AHCYL2: variants seen among roughly 807,000 people sequenced by gnomAD.
The protein encoded by AHCYL2 is adenosylhomocysteinase like 2, also known as S-adenosylhomocysteine hydrolase-like protein 2.
AHCYL2 carries 28 observed loss-of-function variants against 81.4 expected under a neutral mutation model. The ratio of observed to expected loss-of-function variants is 0.34; its 90% confidence interval spans 0.25 to 0.47. AHCYL2 has a LOEUF of 0.47. Among genes scored for constraint, AHCYL2 ranks in the 20% least tolerant of loss-of-function variants. The pLI is 1.00. For missense variants in AHCYL2, 551 were observed against 785.1 expected (o/e 0.70, Z 3.56); for synonymous variants, 272 against 290.2 (o/e 0.94, Z 0.64).
chr7:129,230,373 C>T (rs1286477658), intron 1 of AHCYL2, among the ~76,000 whole-genome samples: 3 of 151,890 alleles, frequency 2.0e-5, no homozygotes, highest in Non-Finnish European at 4.4e-5. Context: ...TGAGCCACCG[C>T]GCCCGGCTAT....
At chr7:129,399,713 C>T (rs1290173343) in intron 5 of AHCYL2, among the ~76,000 whole-genome samples, 2 of 149,642 alleles carry the variant, frequency 1.3e-5, no homozygotes, top group Admixed American at 6.7e-5. Context: ...TTTTTGTTTT[C>T]CCTTTAGTCA....
intron 1 of AHCYL2, among the ~76,000 whole-genome samples, chr7:129,299,124 G>C (rs552228746): frequency 6.6e-6 from 1 of 151,344 alleles, no homozygotes; most frequent in African/African-American, 2.4e-5. Flanking sequence ...TGACATTTTT[G>C]GGGGGAGAAT....
intron 1 of AHCYL2, among the ~76,000 whole-genome samples, chr7:129,263,475 A>G (rs1584719138): frequency 6.6e-6 from 1 of 152,346 alleles, no homozygotes. Flanking sequence ...ATCTATTTAC[A>G]TGTATCAAAT....
intron 1 of AHCYL2, among the ~76,000 whole-genome samples, chr7:129,265,844 AGAG>A (rs2150721372): frequency 6.6e-6 from 1 of 152,352 alleles, no homozygotes; most frequent in East Asian, 1.9e-4. Context: ...TGCAATAACT[AGAG>A]AAGAGACGAT....
chr7:129,363,896 C>A (rs991952150), intron 1 of AHCYL2, among the ~76,000 whole-genome samples: 5 of 151,928 alleles, frequency 3.3e-5, no homozygotes, highest in African/African-American at 9.7e-5. Context: ...TTAACACTAT[C>A]ATGAAGGTTG....
chr7:129,328,059 A>G (rs1046145232), intron 1 of AHCYL2, among the ~76,000 whole-genome samples: 2 of 152,186 alleles, frequency 1.3e-5, no homozygotes, highest in Non-Finnish European at 2.9e-5. Context: ...CTGCCTCCCA[A>G]AGGGCTGGGA....
intron 1 of AHCYL2, among the ~76,000 whole-genome samples, chr7:129,354,186 A>T (rs1353793732): frequency 6.6e-6 from 1 of 152,192 alleles, no homozygotes; most frequent in Non-Finnish European, 1.5e-5. Context: ...CAAGAAGGTG[A>T]GAGAGAATTT....
At position 129,430,013 on chromosome 7, in the gene AHCYL2, A is replaced by C. The variant is rs960497479; in HGVS notation, c.*2968A>C. 6.7e-6 allele frequency: 1 copy of C among 149,308 alleles called. No homozygotes were observed. The highest frequency in any genetic ancestry group is 1.5e-5 in the Non-Finnish European group (1 of 67,580). 9.2% of individuals were successfully genotyped at this position (149,308 alleles called of 1,614,324 possible). The stretch of plus-strand genomic sequence containing the variant: ...TATATGTGGACAGGTTCTAAACTCT[A>C]TATATACATATATATATATATATCT... On this transcript the variant is annotated 3_prime_UTR_variant, in exon 17 of 17. Transcript: ENST00000325006.
chr7:129,285,483 G>A (rs1466521490), intron 1 of AHCYL2, among the ~76,000 whole-genome samples: 2 of 152,100 alleles, frequency 1.3e-5, no homozygotes, highest in African/African-American at 4.8e-5. Context: ...TTCCCATGGT[G>A]TCAGGGAACC....
At chr7:129,364,909 C>T (rs1475863800) in intron 1 of AHCYL2, among the ~76,000 whole-genome samples, 3 of 152,120 alleles carry the variant, frequency 2.0e-5, no homozygotes, top group Non-Finnish European at 4.4e-5. Context: ...AACTAAGCCT[C>T]ATAAATATAA....
chr7:129,340,561 C>A (rs1261593369), intron 1 of AHCYL2, among the ~76,000 whole-genome samples: 15 of 148,606 alleles, frequency 1.0e-4, no homozygotes, highest in Non-Finnish European at 1.5e-4. Context: ...GAGCGAGACT[C>A]CGTCTCAAAA....
intron 15 of AHCYL2, among the ~76,000 whole-genome samples, chr7:129,425,763 C>T (rs1200790890): frequency 6.6e-6 from 1 of 152,178 alleles, no homozygotes; most frequent in East Asian, 1.9e-4. Flanking sequence ...TTTGTTTTGC[C>T]TTAGCACTAG....
At chr7:129,280,544 T>C (rs576543732) in intron 1 of AHCYL2, among the ~76,000 whole-genome samples, 1 of 152,310 alleles carries the variant, frequency 6.6e-6, no homozygotes, top group South Asian at 2.1e-4. Flanking sequence ...TGAGGCAGTT[T>C]TTTGTCAACT....
chr7:129,270,255 A>G (rs1208265877), intron 1 of AHCYL2, among the ~76,000 whole-genome samples: 1 of 152,178 alleles, frequency 6.6e-6, no homozygotes, highest in Non-Finnish European at 1.5e-5. Flanking sequence ...TGACATACGT[A>G]CCTGCTTGAT....
At chr7:129,352,937 CTT>C (rs59762582) in intron 1 of AHCYL2, among the ~76,000 whole-genome samples, 54 of 82,546 alleles carry the variant, frequency 6.5e-4, no homozygotes, top group Middle Eastern at 8.6e-3. Context: ...CCTCCTCATT[CTT>C]TTTTTTTTTT....
intron 1 of AHCYL2, among the ~76,000 whole-genome samples, chr7:129,346,816 A>G (rs1464967238): frequency 6.6e-6 from 1 of 152,210 alleles, no homozygotes; most frequent in East Asian, 1.9e-4. Context: ...TTATATCCAC[A>G]CAAAAACCTG....
At chr7:129,383,222 G>A (rs891488321) in intron 2 of AHCYL2, among the ~76,000 whole-genome samples, 3 of 151,814 alleles carry the variant, frequency 2.0e-5, no homozygotes, top group Non-Finnish European at 4.4e-5. Flanking sequence ...CTGGAGTGTA[G>A]TGGCACAATC....
chr7:129,353,367 T>C (rs1011428093), intron 1 of AHCYL2, among the ~76,000 whole-genome samples: 1 of 152,100 alleles, frequency 6.6e-6, no homozygotes, highest in Non-Finnish European at 1.5e-5. Flanking sequence ...CATCAGGGGT[T>C]TTGCAATTAC....
At chr7:129,370,400 A>ATTGGTT (rs139029414) in intron 1 of AHCYL2, among the ~76,000 whole-genome samples, 1 of 151,794 alleles carries the variant, frequency 6.6e-6, no homozygotes, top group Non-Finnish European at 1.5e-5. Context: ...GTAAAAAATA[A>ATTGGTT]ATAAAAAAAT....
Sources: allele counts gnomAD v4.1 joint callset (sites outside exome capture counted in the v4.1 genomes callset), GRCh38; gene constraint gnomAD v4.1.1; transcripts MANE v1.5; gene names NCBI Gene and HGNC (gene_info 2026-07-23, HGNC 2026-07-21).